The following SORCS3 variants were observed in gnomAD, a reference collection of about 807,000 sequenced individuals.
SORCS3 encodes the protein sortilin related VPS10 domain containing receptor 3.
In SORCS3, 57 loss-of-function variants were observed where a neutral mutation model predicts 146.3. That is an observed-to-expected ratio of 0.39 (90% CI 0.31 to 0.49). The LOEUF (loss-of-function observed/expected upper bound fraction) is 0.49. SORCS3 is among the 20% of genes least tolerant of loss of function. SORCS3 has a pLI of 0.92. For synonymous variants in SORCS3, 653 were observed against 618.5 expected (o/e 1.06, Z -0.83); for missense variants, 1,341 against 1,575.5 (o/e 0.85, Z 2.52).
At chr10:105,084,035 G>A (rs2055642661) in intron 5 of SORCS3, among the ~76,000 whole-genome samples, 1 of 152,102 alleles carries the variant, frequency 6.6e-6, no homozygotes, top group Non-Finnish European at 1.5e-5. Context: ...ACATGTCTTT[G>A]GGCAAGTTGT....
intron 4 of SORCS3, among the ~76,000 whole-genome samples, chr10:105,025,520 A>G (rs2055222442): frequency 6.6e-6 from 1 of 152,102 alleles, no homozygotes; most frequent in African/African-American, 2.4e-5. Context: ...GGCCAGCAAA[A>G]TTATACTTTC....
intron 5 of SORCS3, among the ~76,000 whole-genome samples, chr10:105,056,114 T>G (rs2055444183): frequency 6.6e-6 from 1 of 152,214 alleles, no homozygotes; most frequent in Non-Finnish European, 1.5e-5. Context: ...AAGAATGGTT[T>G]GAATTGGCAA....
intron 1 of SORCS3, among the ~76,000 whole-genome samples, chr10:104,647,205 G>A (rs892677546): frequency 2.0e-5 from 3 of 152,166 alleles, no homozygotes; most frequent in Middle Eastern, 3.4e-3. Context: ...TGTATGTCCC[G>A]GGTCTACTTC....
intron 4 of SORCS3, among the ~76,000 whole-genome samples, chr10:105,016,155 A>ATATATATATATATT (rs71482443): frequency 2.3e-4 from 23 of 101,312 alleles, no homozygotes; most frequent in African/African-American, 1.0e-3. Flanking sequence ...ATATATATAT[A>ATATATATATATATT]TTTTTTTTTT....
At chr10:104,853,361 T>C (rs1478793981) in intron 2 of SORCS3, among the ~76,000 whole-genome samples, 1 of 152,246 alleles carries the variant, frequency 6.6e-6, no homozygotes, top group Non-Finnish European at 1.5e-5. Context: ...TTGAAGGCTT[T>C]CTATTCATAA....
Position 105,188,242 on chromosome 10 carries a change from A to T in SORCS3, c.2009+10069A>T, listed in dbSNP as rs550507028. On this transcript the variant is annotated intron_variant, in intron 14 of 26. Coordinates refer to ENST00000369701, the MANE Select transcript of SORCS3 (RefSeq NM_014978.3). The stretch of plus-strand genomic sequence containing the variant: ...GAGGCTTTTATTTTCTTATCTACAG[A>T]TTTTTTTAGTTTTCAAATTTTTCAT... Among the ~76,000 whole-genome samples the T allele has an allele frequency of 8.5e-4, 130 of 152,222 alleles. 1 individual carries two copies. The highest frequency in any genetic ancestry group is 1.5e-3 in the Non-Finnish European group (99 of 68,014).
At position 105,184,364 on chromosome 10, in the gene SORCS3, T is replaced by C. The variant is rs531452642; in HGVS notation, c.2009+6191T>C. On this transcript the variant is annotated intron_variant, in intron 14 of 26. Transcript: ENST00000369701. ...TAAAATATAATTCTTCACTTGCTTTTCCCCCCCAACCATTTAAAATGTAAA... is the reference window on the plus strand; with the variant it reads ...TAAAATATAATTCTTCACTTGCTTTCCCCCCCCAACCATTTAAAATGTAAA... Among the ~76,000 whole-genome samples, 13 of 152,188 alleles carry C rather than the reference T, an allele frequency of 8.5e-5. No homozygotes were observed. In the South Asian group the frequency reaches 1.5e-3, roughly 17 times the overall value.
chr10:105,228,356 CTTTCTTTCTTTCTCTCT>C (rs1325635356), intron 20 of SORCS3, among the ~76,000 whole-genome samples: 8 of 151,368 alleles, frequency 5.3e-5, no homozygotes, highest in East Asian at 3.9e-4. Flanking sequence ...CTTTCTTTCC[CTTTCTTTCTTTCTCTCT>C]TTTCTTTCTT....
Position 104,866,656 on chromosome 10 carries a change from A to C in SORCS3, c.695+23797A>C, listed in dbSNP as rs573046248. Among the ~76,000 whole-genome samples the C allele has an allele frequency of 8.5e-5, 13 of 152,368 alleles. No individual in the cohort carries two copies. The South Asian group carries it at 2.7e-3, about 32-fold the overall frequency. ...TTTACCACAGGGGGTTAATTTGGAC[A>C]TTCATTGAAATTTAAGTGTCTCTTA... is the stretch of plus-strand genomic sequence containing the variant. On this transcript the variant is annotated intron_variant, in intron 2 of 26. Transcript: ENST00000369701.
intron 1 of SORCS3, among the ~76,000 whole-genome samples, chr10:104,781,130 A>G (rs945008438): frequency 1.3e-5 from 2 of 152,230 alleles, no homozygotes; most frequent in African/African-American, 4.8e-5. Flanking sequence ...GTGTAGTAGT[A>G]ATGCTGATAT....
intron 16 of SORCS3, among the ~76,000 whole-genome samples, chr10:105,209,097 T>G (rs895904472): frequency 1.3e-5 from 2 of 152,200 alleles, no homozygotes; most frequent in African/African-American, 4.8e-5. Flanking sequence ...GCCCACAGTC[T>G]TCCTGCAGAG....
chr10:104,968,677 A>G (rs1250576397), intron 3 of SORCS3, among the ~76,000 whole-genome samples: 1 of 152,214 alleles, frequency 6.6e-6, no homozygotes, highest in Admixed American at 6.5e-5. Flanking sequence ...AATCACATAA[A>G]TGCAGAACTC....
intron 1 of SORCS3, among the ~76,000 whole-genome samples, chr10:104,734,614 G>A (rs747135487): frequency 1.3e-4 from 20 of 152,202 alleles, no homozygotes; most frequent in Non-Finnish European, 2.6e-4. Flanking sequence ...CAGGCATGAT[G>A]GCTTTATCAA....
chr10:104,887,962 G>A (rs1021364839), intron 2 of SORCS3, among the ~76,000 whole-genome samples: 2 of 126,428 alleles, frequency 1.6e-5, no homozygotes, highest in Non-Finnish European at 3.2e-5. Context: ...GTGGGGGCGG[G>A]GGGGCGGGGG....
chr10:104,652,998 A>C (rs1191078695), intron 1 of SORCS3, among the ~76,000 whole-genome samples: 2 of 152,260 alleles, frequency 1.3e-5, no homozygotes. Context: ...TAACTTGAAC[A>C]TAATCAAGAC....
intron 1 of SORCS3, among the ~76,000 whole-genome samples, chr10:104,763,304 C>A (rs901436569): frequency 1.3e-5 from 2 of 152,152 alleles, no homozygotes; most frequent in Non-Finnish European, 2.9e-5. Flanking sequence ...CAGCTGTGCC[C>A]AATCAACACT....
intron 2 of SORCS3, among the ~76,000 whole-genome samples, chr10:104,845,035 C>G (rs1290893409): frequency 6.6e-6 from 1 of 152,152 alleles, no homozygotes; most frequent in Non-Finnish European, 1.5e-5. Context: ...ACTTGCTATT[C>G]CTCCAACGTA....
At chr10:104,986,737 G>C (rs2054964290) in intron 4 of SORCS3, among the ~76,000 whole-genome samples, 3 of 152,212 alleles carry the variant, frequency 2.0e-5, no homozygotes, top group African/African-American at 7.2e-5. Context: ...AGAGATAGGA[G>C]AATTGTCAGT....
intron 11 of SORCS3, among the ~76,000 whole-genome samples, chr10:105,159,659 C>T (rs760282364): frequency 2.0e-5 from 3 of 152,116 alleles, no homozygotes; most frequent in Non-Finnish European, 2.9e-5. Flanking sequence ...GGAAGGCAGC[C>T]TGCTAATCTT....
Sources: allele counts gnomAD v4.1 joint callset (sites outside exome capture counted in the v4.1 genomes callset), GRCh38; gene constraint gnomAD v4.1.1; transcripts MANE v1.5; gene names NCBI Gene and HGNC (gene_info 2026-07-23, HGNC 2026-07-21).